Variants in ZFYVE9 observed in about 807,000 individuals in gnomAD.
ZFYVE9 encodes zinc finger FYVE-type containing 9, also known as zinc finger FYVE domain-containing protein 9.
Under a neutral mutation model 126.7 loss-of-function variants are expected in ZFYVE9, and 43 were observed. The observed-to-expected ratio is 0.34, with a 90% CI of 0.27 to 0.44. The LOEUF is 0.44. Ranked by LOEUF, ZFYVE9 falls within the 20% of genes least tolerant of loss-of-function variation. ZFYVE9 has a pLI of 1.00. For synonymous variants in ZFYVE9, 521 were observed against 597.4 expected, an observed-to-expected ratio of 0.87 and a Z score of 1.87; for missense variants, 1,476 against 1,697.0, an observed-to-expected ratio of 0.87 and a Z score of 2.29.
chr1:52,300,614 G>A (rs777356374), intron 12 of ZFYVE9, among the ~76,000 whole-genome samples: 5 of 148,734 alleles, frequency 3.4e-5, no homozygotes, highest in African/African-American at 5.0e-5. Flanking sequence ...AAAAAATCTT[G>A]TAGATTTACC....
In ZFYVE9 at chr1:52,238,510, A is replaced by C. The variant is rs745691226; in HGVS notation, c.1093A>C (p.Asn365His). 8 of 1,614,088 alleles carry C rather than the reference A, an allele frequency of 5.0e-6. No individual in the cohort carries two copies. Among genetic ancestry groups the C allele is most frequent in the Non-Finnish European group, 5.1e-6 (6 of 1,179,962 alleles). ...ACGGTGTTCAGATTGCCTTGTGCCT[A>C]ATGAAGTTAGGGCTGATGAAAATGA... ...CERCSDCLVP[N>H]EVRADENEGY... is the part of the protein sequence containing the mutation. Residue 365 changes from asparagine (N) to histidine (H), a missense_variant, in exon 4 of 19, where the codon AAT becomes CAT. Asn to His is a moderately conservative substitution (Grantham distance 68). This residue lies in a region of ZFYVE9 where 807 missense variants were observed against 794.6 expected (regional missense o/e 1.02). Transcript: ENST00000287727.
chr1:52,318,370 A>ATGTGTGTGTGTGTGTGTGTGTGTGTGTG (rs59683935), intron 13 of ZFYVE9, among the ~76,000 whole-genome samples: 1 of 144,302 alleles, frequency 6.9e-6, no homozygotes, highest in African/African-American at 2.6e-5. Flanking sequence ...GCATGATTGT[A>ATGTGTGTGTGTGTGTGTGTGTGTGTGTG]TGTGTGTGTG....
intron 13 of ZFYVE9, among the ~76,000 whole-genome samples, chr1:52,305,555 G>A (rs1197734697): frequency 6.6e-6 from 1 of 152,176 alleles, no homozygotes; most frequent in Non-Finnish European, 1.5e-5. Context: ...GGGTGGTGCT[G>A]CCAGGGCTGC....
intron 1 of ZFYVE9, among the ~76,000 whole-genome samples, chr1:52,170,957 T>C (rs1451151822): frequency 6.6e-6 from 1 of 152,134 alleles, no homozygotes; most frequent in Non-Finnish European, 1.5e-5. Flanking sequence ...CCTGTTAATA[T>C]CTATTAGGTC....
At chr1:52,250,266 G>C (rs1416462432) in intron 4 of ZFYVE9, among the ~76,000 whole-genome samples, 2 of 152,102 alleles carry the variant, frequency 1.3e-5, no homozygotes, top group African/African-American at 4.8e-5. Flanking sequence ...CCATTTATTT[G>C]TATGTTCTTT....
In ZFYVE9 at chr1:52,239,164, C is replaced by G; in HGVS notation, c.1747C>G (p.Gln583Glu). The change falls in exon 4 of 19, where the codon CAA (glutamine) becomes GAA (glutamate). Residue 583 changes from glutamine to glutamate, a missense_variant. By Grantham distance (29) the Gln-to-Glu change is conservative (BLOSUM62 2). Around this residue, in one of 2 missense-constraint regions of ZFYVE9, gnomAD observed 807 missense variants for 794.6 expected, o/e 1.02. Coordinates refer to ENST00000287727, the MANE Select transcript of ZFYVE9 (RefSeq NM_004799.4). ...SVPFGGARPK[Q>E]PSNLKLQIPK... ...TCCTTTTGGTGGTGCAAGACCCAAG[C>G]AACCTTCTAATCTTAAACTTCAAAT... 6.2e-7 allele frequency: 1 copy of G among 1,614,106 alleles called. No individual in the cohort carries two copies. The highest frequency in any genetic ancestry group is 8.5e-7 in the Non-Finnish European group (1 of 1,179,992).
At chr1:52,289,978 G>A (rs1469970623) in intron 10 of ZFYVE9, among the ~76,000 whole-genome samples, 1 of 152,144 alleles carries the variant, frequency 6.6e-6, no homozygotes, top group African/African-American at 2.4e-5. Flanking sequence ...AATACCTTGA[G>A]TACTAAGCCA....
intron 10 of ZFYVE9, among the ~76,000 whole-genome samples, chr1:52,288,404 A>G (rs1419298617): frequency 2.6e-5 from 4 of 152,060 alleles, no homozygotes; most frequent in Non-Finnish European, 4.4e-5. Context: ...GGCCCAAGTG[A>G]TCCTTCCTCC....
Position 52,212,722 on chromosome 1 carries a change from C to T in ZFYVE9, c.-142-3647C>T, listed in dbSNP as rs12723066. Among the ~76,000 whole-genome samples, 1,139 of 152,040 alleles carry T rather than the reference C, an allele frequency of 7.5e-3. 12 individuals carry two copies. Among genetic ancestry groups the T allele is most frequent in the Admixed American group, 0.024 (369 of 15,274 alleles). On this transcript the variant is annotated intron_variant, in intron 1 of 18. Transcript: ENST00000287727. ...ATACTACTATGTGAAAAGAATTGTG[C>T]TGGGGCCTTGGAATAAAAGTATGAA...
At chr1:52,199,823 C>A (rs1644906930) in intron 1 of ZFYVE9, among the ~76,000 whole-genome samples, 3 of 152,208 alleles carry the variant, frequency 2.0e-5, no homozygotes, top group Non-Finnish European at 4.4e-5. Flanking sequence ...CTGTTGCACC[C>A]ACATCCTCTC....
At chr1:52,294,042 T>C (rs1325725054) in intron 11 of ZFYVE9, among the ~76,000 whole-genome samples, 1 of 152,242 alleles carries the variant, frequency 6.6e-6, no homozygotes, top group Non-Finnish European at 1.5e-5. Context: ...TTACTTAACA[T>C]ACTGGAAGCT....
rs1444123480 is a variant in ZFYVE9, at chr1:52,295,833, A to C, written c.3251-62A>C. 5 of 1,381,868 alleles carry C rather than the reference A, an allele frequency of 3.6e-6. No individual in the cohort carries two copies. In the East Asian group the frequency reaches 1.2e-4, roughly 32 times the overall value. 85.6% of individuals were successfully genotyped at this position (1,381,868 alleles called of 1,614,324 possible). ...ATTTTGAAAATTGTATTAGTCATGA[A>C]ATCTCTTTTACCAAAGTTTTATGTT... On this transcript the variant is annotated intron_variant, in intron 11 of 18. Coordinates refer to ENST00000287727, the MANE Select transcript of ZFYVE9 (RefSeq NM_004799.4).
chr1:52,302,076 A>G (rs1416064274), intron 12 of ZFYVE9, among the ~76,000 whole-genome samples: 3 of 152,214 alleles, frequency 2.0e-5, no homozygotes, highest in Admixed American at 6.5e-5. Flanking sequence ...ATACAATATA[A>G]TAACTATTGT....
At chr1:52,211,823 C>G (rs553309030) in intron 1 of ZFYVE9, among the ~76,000 whole-genome samples, 1 of 152,210 alleles carries the variant, frequency 6.6e-6, no homozygotes, top group East Asian at 1.9e-4. Context: ...TTTTTAAAAT[C>G]TATGGCCAGG....
intron 1 of ZFYVE9, among the ~76,000 whole-genome samples, chr1:52,163,854 G>A (rs1644485196): frequency 6.6e-6 from 1 of 151,996 alleles, no homozygotes; most frequent in East Asian, 1.9e-4. Flanking sequence ...CAAGAATCAA[G>A]CTCTAGGCCA....
intron 10 of ZFYVE9, among the ~76,000 whole-genome samples, chr1:52,282,191 A>T (rs1049060720): frequency 6.6e-6 from 1 of 152,228 alleles, no homozygotes; most frequent in African/African-American, 2.4e-5. Flanking sequence ...TGAATATTCA[A>T]ATTTCAAAAA....
intron 16 of ZFYVE9, 135 bp downstream of exon 16, chr1:52,338,069 C>A: frequency 1.8e-6 from 2 of 1,132,862 alleles, no homozygotes; most frequent in Non-Finnish European, 1.2e-6. Flanking sequence ...GTATGCTTAA[C>A]GTAGAATTTT....
intron 1 of ZFYVE9, among the ~76,000 whole-genome samples, chr1:52,165,473 T>G (rs1485485597): frequency 6.6e-6 from 1 of 152,088 alleles, no homozygotes; most frequent in African/African-American, 2.4e-5. Context: ...TACATGCATG[T>G]GTGTGTATAT....
chr1:52,151,349 G>A (rs1372429590), intron 1 of ZFYVE9, among the ~76,000 whole-genome samples: 2 of 152,070 alleles, frequency 1.3e-5, no homozygotes, highest in Admixed American at 6.5e-5. Context: ...GCATTTTACA[G>A]CTGAGGGAAC....
Sources: allele counts gnomAD v4.1 joint callset (sites outside exome capture counted in the v4.1 genomes callset), GRCh38; gene constraint gnomAD v4.1.1; regional missense constraint gnomAD v4.1.1; transcripts MANE v1.5; gene names NCBI Gene and HGNC (gene_info 2026-07-23, HGNC 2026-07-21).